Variants in DNAH7 observed in about 807,000 individuals in gnomAD.
DNAH7 encodes the protein dynein axonemal heavy chain 7, also known as axonemal beta dynein heavy chain 7.
Under a neutral mutation model 444.6 loss-of-function variants are expected in DNAH7, and 397 were observed. The observed-to-expected ratio is 0.89, with a 90% CI of 0.82 to 0.97. DNAH7 has a LOEUF of 0.97. DNAH7 is among the 50% of genes least tolerant of loss of function. The pLI is 0.00. For missense variants in DNAH7, 4,902 were observed against 4,800.8 expected, an observed-to-expected ratio of 1.02 and a Z score of -0.62; for synonymous variants, 1,636 against 1,624.4, an observed-to-expected ratio of 1.01 and a Z score of -0.17.
chr2:195,740,824 C>A lies in DNAH7; in HGVS notation c.11810G>T (p.Arg3937Ile). 6.4e-7 allele frequency: 1 copy of A among 1,569,088 alleles called. No individual in the cohort carries two copies. The highest frequency in any genetic ancestry group is 8.6e-7 in the Non-Finnish European group (1 of 1,156,260). Reference sequence around the variant, plus strand: ...CGATTCTGCAAGTTTCTTGATCTTTCTATTCCAGGAAGCTCCATCCAGAAA... The same window carrying A: ...CGATTCTGCAAGTTTCTTGATCTTTATATTCCAGGAAGCTCCATCCAGAAA... ...GLFLDGASWNRKIKKLAESHP... is the reference protein window; with the variant it reads ...GLFLDGASWNIKIKKLAESHP... The change falls in exon 64 of 65, where the codon AGA becomes ATA. Residue 3937 changes from arginine to isoleucine, a missense_variant. Transcript: ENST00000312428.
chr2:195,858,393 A>G, intron 43 of DNAH7, 81 bp downstream of exon 43: 1 of 1,196,256 alleles, frequency 8.4e-7, no homozygotes, highest in Non-Finnish European at 1.1e-6. Context: ...CGGAGAGACA[A>G]ACTAGACTAG....
intron 61 of DNAH7, among the ~76,000 whole-genome samples, chr2:195,765,804 T>C (rs921209515): frequency 1.3e-5 from 2 of 152,180 alleles, no homozygotes; most frequent in Admixed American, 1.3e-4. Flanking sequence ...ACAACCACTG[T>C]GGAGAACAGT....
At chr2:195,971,217 G>A (rs1449465452) in intron 16 of DNAH7, among the ~76,000 whole-genome samples, 1 of 152,172 alleles carries the variant, frequency 6.6e-6, no homozygotes, top group Non-Finnish European at 1.5e-5. Flanking sequence ...AAGGACATCT[G>A]TACTGGCTGA....
In DNAH7 at chr2:196,012,915, G is replaced by T; in HGVS notation, c.870-9C>A. On this transcript the variant is annotated splice_polypyrimidine_tract_variant and intron_variant, in intron 9 of 64. Coordinates refer to ENST00000312428, the MANE Select transcript of DNAH7 (RefSeq NM_018897.3). ...CAACTAAACGTAATTTTCTGCAAAA[G>T]ATAAAAATAAACAGTAATTTAACAA... The T allele has an allele frequency of 2.0e-6, 3 of 1,465,986 alleles. No homozygotes were observed. Among genetic ancestry groups the T allele is most frequent in the Non-Finnish European group, 2.7e-6 (3 of 1,103,690 alleles). The allele number at this position is 1,465,986 out of a possible 1,614,324, so 90.8% of individuals were successfully genotyped here.
chr2:195,848,142 G>A (rs1260201563), intron 46 of DNAH7, among the ~76,000 whole-genome samples: 1 of 152,216 alleles, frequency 6.6e-6, no homozygotes, highest in Non-Finnish European at 1.5e-5. Flanking sequence ...TGGCTGAGAG[G>A]CCACGCTGGG....
intron 63 of DNAH7, among the ~76,000 whole-genome samples, chr2:195,742,487 G>A (rs771515684): frequency 6.6e-6 from 1 of 152,118 alleles, no homozygotes; most frequent in Non-Finnish European, 1.5e-5. Context: ...GTGGTGATAG[G>A]GATAAACGTT....
At chr2:196,014,795 CCTT>C (rs963299237) in intron 9 of DNAH7, among the ~76,000 whole-genome samples, 3 of 152,166 alleles carry the variant, frequency 2.0e-5, no homozygotes, top group Admixed American at 1.3e-4. Context: ...TTGCCGTCCT[CCTT>C]TTTTTGTAAC....
At chr2:195,985,308 T>C (rs1244375823) in intron 14 of DNAH7, among the ~76,000 whole-genome samples, 1 of 152,090 alleles carries the variant, frequency 6.6e-6, no homozygotes, top group African/African-American at 2.4e-5. Flanking sequence ...TGGAACAGCA[T>C]GGGGATAATG....
intron 18 of DNAH7, among the ~76,000 whole-genome samples, chr2:195,959,280 C>A (rs1690912784): frequency 6.6e-6 from 1 of 152,064 alleles, no homozygotes. Flanking sequence ...ATTTGTTTAA[C>A]CTCTTTGCAC....
At chr2:196,062,489 A>C (rs1575127567) in intron 1 of DNAH7, among the ~76,000 whole-genome samples, 1 of 152,188 alleles carries the variant, frequency 6.6e-6, no homozygotes, top group Admixed American at 6.5e-5. Flanking sequence ...AAAACTTTTG[A>C]GATTTTCTAA....
chr2:195,944,097 G>C (rs539490120), intron 19 of DNAH7, among the ~76,000 whole-genome samples: 1 of 152,028 alleles, frequency 6.6e-6, no homozygotes, highest in South Asian at 2.1e-4. Flanking sequence ...TCATACTTCT[G>C]ACCAAGCACT....
At chr2:195,821,305 T>G (rs556914917) in intron 49 of DNAH7, among the ~76,000 whole-genome samples, 3 of 152,346 alleles carry the variant, frequency 2.0e-5, no homozygotes, top group African/African-American at 7.2e-5. Context: ...TTTTACAAAC[T>G]AAAAATAGGT....
rs201891805 is a variant in DNAH7, at chr2:195,771,836, C to T, written c.11257G>A (p.Ala3753Thr). The T allele has an allele frequency of 2.3e-5, 37 of 1,614,126 alleles. 1 individual carries two copies. In the African/African-American group the frequency reaches 3.7e-4, roughly 16 times the overall value. The change falls in exon 61 of 65, where the codon GCT becomes ACT. Residue 3753 changes from alanine (A) to threonine (T), a missense_variant. Physicochemically the swap from Ala to Thr is moderately conservative, Grantham distance 58. Transcript: ENST00000312428. The stretch of plus-strand genomic sequence containing the variant: ...GGAAGTTTGCCCAAGATGTCACTAG[C>T]GACCTCATTCACTACTTCATCTGAT... ...KSSDEVVNEV[A>T]SDILGKLPNN...
intron 36 of DNAH7, among the ~76,000 whole-genome samples, chr2:195,878,090 C>A (rs1378817718): frequency 6.6e-6 from 1 of 152,084 alleles, no homozygotes; most frequent in East Asian, 1.9e-4. Flanking sequence ...CTATTCTGAG[C>A]AACAACTGTA....
chr2:195,942,198 T>C (rs559217329), intron 19 of DNAH7, among the ~76,000 whole-genome samples: 2 of 152,206 alleles, frequency 1.3e-5, no homozygotes, highest in Admixed American at 6.6e-5. Context: ...GGATGTTCGA[T>C]GTGAGCCTCT....
Position 195,973,054 on chromosome 2 carries a change from C to T in DNAH7, c.1834-588G>A, listed in dbSNP as rs538927934. Among the ~76,000 whole-genome samples the T allele has an allele frequency of 2.4e-4, 37 of 152,190 alleles. 1 individual carries two copies. The South Asian group carries it at 6.0e-3, about 25-fold the overall frequency. ...TTGGAGAAGCACAAATAGAAGGAAA[C>T]GAGGGAATGAAACAAGTGGAGAGGG... On this transcript the variant is annotated intron_variant, in intron 15 of 64. Transcript: ENST00000312428.
chr2:195,788,042 G>A (rs554860601), intron 57 of DNAH7, among the ~76,000 whole-genome samples: 1 of 152,336 alleles, frequency 6.6e-6, no homozygotes, highest in Admixed American at 6.5e-5. Flanking sequence ...TAGAGACACT[G>A]CCAAAGGTGA....
Position 195,785,490 on chromosome 2 carries a change from T to C in DNAH7, c.10878+1520A>G, listed in dbSNP as rs557441248. ...TTCCTGATCTTGGTGGGAAAGCTTC[T>C]AGTTTCTCTCCATTTAAGTACAATT... On this transcript the variant is annotated intron_variant, in intron 58 of 64. Coordinates refer to ENST00000312428, the MANE Select transcript of DNAH7 (RefSeq NM_018897.3). Among the ~76,000 whole-genome samples the C allele has an allele frequency of 5.7e-4, 87 of 152,270 alleles. 3 individuals are homozygous for C. In the South Asian group the frequency reaches 0.017, roughly 30 times the overall value.
intron 5 of DNAH7, among the ~76,000 whole-genome samples, chr2:196,038,758 C>T (rs1464087945): frequency 2.0e-5 from 3 of 152,060 alleles, no homozygotes; most frequent in South Asian, 2.1e-4. Flanking sequence ...ACAAAATAGA[C>T]TTTAAGTAAA....
Sources: gnomAD v4.1 joint callset for allele counts (sites outside exome capture counted in the v4.1 genomes callset) on GRCh38, gnomAD v4.1.1 for gene constraint, MANE v1.5 for transcripts, NCBI Gene and HGNC (gene_info 2026-07-23, HGNC 2026-07-21) for gene names.